PCDHGA6: variants seen among roughly 807,000 people sequenced by gnomAD.
The protein encoded by PCDHGA6 is protocadherin gamma-A6.
A neutral mutation model predicts 60.6 loss-of-function variants in PCDHGA6; 41 were observed. The observed-to-expected ratio is 0.68, with a 90% CI of 0.53 to 0.88. PCDHGA6 has a LOEUF of 0.88. Ranked by LOEUF, PCDHGA6 falls within the 40% of genes least tolerant of loss-of-function variation. The pLI, the probability that PCDHGA6 is intolerant of heterozygous loss-of-function variation, is 0.00. For missense variants in PCDHGA6, 1,312 were observed against 1,203.0 expected, an observed-to-expected ratio of 1.09 and a Z score of -1.34; for synonymous variants, 594 against 524.4, an observed-to-expected ratio of 1.13 and a Z score of -1.81.
At chr5:141,417,940 C>G in intron 1 of PCDHGA6, 2 of 1,613,052 alleles carry the variant, frequency 1.2e-6, no homozygotes, top group Non-Finnish European at 1.7e-6. Context: ...TGTTCTACCC[C>G]ACGCTGTGTG....
intron 1 of PCDHGA6, among the ~76,000 whole-genome samples, chr5:141,452,271 C>A (rs1592214421): frequency 6.6e-6 from 1 of 152,108 alleles, no homozygotes. Flanking sequence ...TTTCTTGAAC[C>A]CTTTCTTACT....
chr5:141,486,162 T>G lies in PCDHGA6; in HGVS notation c.2425-8645T>G, dbSNP rs763023343. ...GCTCGCGATGGGGGTTCTCCAGCCA[T>G]GGAGCAACATTGCAGCCTTCGAGTG... On this transcript the variant is annotated intron_variant, in intron 1 of 3. Coordinates refer to ENST00000517434, the MANE Select transcript of PCDHGA6 (RefSeq NM_018919.3). The surrounding 1 kb of genome is among the most constrained non-coding windows in gnomAD (Gnocchi z 5.0). The G allele has an allele frequency of 6.2e-7, 1 of 1,614,170 alleles. No individual in the cohort carries two copies. Among genetic ancestry groups the G allele is most frequent in the Non-Finnish European group, 8.5e-7 (1 of 1,180,026 alleles).
chr5:141,384,461 A>G, intron 1 of PCDHGA6: 1 of 1,614,078 alleles, frequency 6.2e-7, no homozygotes, highest in Non-Finnish European at 8.5e-7. Flanking sequence ...CAATCCTTTG[A>G]TTATGAGCAG....
rs1430298222 is a variant in PCDHGA6, at chr5:141,476,741, A to C, written c.2425-18066A>C. ...CGCCCTGGACCGAGAACGGGAGCCTAGTCTCCAGTTAGTGCTGACGGCGTT... is the reference window on the plus strand; with the variant it reads ...CGCCCTGGACCGAGAACGGGAGCCTCGTCTCCAGTTAGTGCTGACGGCGTT... On this transcript the variant is annotated intron_variant, in intron 1 of 3. Coordinates refer to ENST00000517434, the MANE Select transcript of PCDHGA6 (RefSeq NM_018919.3). The surrounding 1 kb of genome is among the most constrained non-coding windows in gnomAD (Gnocchi z 7.6). 1 of 1,613,936 alleles carries C rather than the reference A, an allele frequency of 6.2e-7. No homozygotes were observed. Among genetic ancestry groups the C allele is most frequent in the South Asian group, 1.1e-5 (1 of 91,088 alleles).
intron 1 of PCDHGA6, among the ~76,000 whole-genome samples, chr5:141,406,301 A>C (rs1447923303): frequency 6.6e-6 from 1 of 151,966 alleles, no homozygotes; most frequent in Non-Finnish European, 1.5e-5. Context: ...TGAGGTGTGA[A>C]CCACCTCACC....
intron 1 of PCDHGA6, chr5:141,387,869 G>A (rs772536133): frequency 6.3e-7 from 1 of 1,590,306 alleles, no homozygotes; most frequent in Non-Finnish European, 8.5e-7. Context: ...TGAGCAAGCT[G>A]AGGAGAGCAA....
intron 1 of PCDHGA6, chr5:141,428,082 G>T (rs776612130): frequency 1.2e-6 from 2 of 1,609,030 alleles, no homozygotes; most frequent in South Asian, 2.2e-5. Flanking sequence ...GGGACACAAC[G>T]CTTGGCTGTC....
chr5:141,421,272 G>A, intron 1 of PCDHGA6: 1 of 1,612,340 alleles, frequency 6.2e-7, no homozygotes, highest in Non-Finnish European at 8.5e-7. Context: ...GGCTGCTGCT[G>A]CTGCTGTGCA....
chr5:141,405,407 C>G, intron 1 of PCDHGA6: 2 of 1,582,052 alleles, frequency 1.3e-6, no homozygotes, highest in Non-Finnish European at 1.7e-6. Flanking sequence ...TCTTTCTTTT[C>G]TTTTTTTGTT....
chr5:141,420,022 T>A, intron 1 of PCDHGA6: 3 of 1,614,104 alleles, frequency 1.9e-6, no homozygotes, highest in Middle Eastern at 3.3e-4. Flanking sequence ...CTTTCAGCCC[T>A]ACTGCAGGAG....
chr5:141,477,258 C>A lies in PCDHGA6; in HGVS notation c.2425-17549C>A. ...TTGCTCAGTGTGACTGACCTGGATG[C>A]TGGCGAGAACGGGCTGGTGACCTGC... On this transcript the variant is annotated intron_variant, in intron 1 of 3. Coordinates refer to ENST00000517434, the MANE Select transcript of PCDHGA6 (RefSeq NM_018919.3). The surrounding 1 kb of genome is among the most constrained non-coding windows in gnomAD (Gnocchi z 4.9). 6.2e-7 allele frequency: 1 copy of A among 1,614,208 alleles called. No homozygotes were observed. Among genetic ancestry groups the A allele is most frequent in the Non-Finnish European group, 8.5e-7 (1 of 1,180,042 alleles).
chr5:141,375,784 C>T lies in PCDHGA6; in HGVS notation c.1701C>T (p.Leu567=). Residue 567 remains leucine, a synonymous_variant, in exon 1 of 4, where the codon CTC becomes CTT. Coordinates refer to ENST00000517434, the MANE Select transcript of PCDHGA6 (RefSeq NM_018919.3). The part of the protein sequence containing the change: ...DNAPEILYPA[L]PTDGSTGVEL... Reference sequence around the variant, plus strand: ...CGCCCGAGATCCTGTACCCCGCCCTCCCCACAGACGGTTCCACTGGCGTGG... The same window carrying T: ...CGCCCGAGATCCTGTACCCCGCCCTTCCCACAGACGGTTCCACTGGCGTGG... The T allele has an allele frequency of 6.2e-7, 1 of 1,614,254 alleles. No individual in the cohort carries two copies.
intron 1 of PCDHGA6, chr5:141,441,104 T>C (rs1158565054): frequency 6.6e-6 from 1 of 152,204 alleles, no homozygotes; most frequent in Non-Finnish European, 1.5e-5. Flanking sequence ...GAGGGACTCA[T>C]TGTCCAGTGT....
rs775012950 is a variant in PCDHGA6, at chr5:141,428,225, A to T, written c.2424+51718A>T. On this transcript the variant is annotated intron_variant, in intron 1 of 3. Coordinates refer to ENST00000517434, the MANE Select transcript of PCDHGA6 (RefSeq NM_018919.3). ...GCTACGCTTCACCTAGTCTTCGCAG[A>T]CAGCCTGCAGGAGGCACTGCCAGAC... is the stretch of plus-strand genomic sequence containing the variant. 19 of 1,156,574 alleles carry T rather than the reference A, an allele frequency of 1.6e-5. No homozygotes were observed. In the Admixed American group the frequency reaches 3.1e-4, roughly 19 times the overall value. 71.6% of individuals were successfully genotyped at this position (1,156,574 alleles called of 1,614,324 possible).
intron 1 of PCDHGA6, among the ~76,000 whole-genome samples, chr5:141,484,202 T>C (rs2099593138): frequency 6.6e-6 from 1 of 152,214 alleles, no homozygotes; most frequent in Non-Finnish European, 1.5e-5. Context: ...ATTAAATCTA[T>C]GAACATTAGC....
intron 1 of PCDHGA6, chr5:141,405,449 T>A: frequency 6.2e-6 from 8 of 1,283,878 alleles, no homozygotes; most frequent in South Asian, 1.4e-5. Context: ...AGACAGAGTC[T>A]TACTCTGTTA....
Position 141,375,284 on chromosome 5 carries a change from TATTATCGATTAGTGACAA to T in PCDHGA6, c.1204_1221del (p.Tyr402_Asn407del). 5 of 1,613,832 alleles carry T rather than the reference TATTATCGATTAGTGACAA, an allele frequency of 3.1e-6. No homozygotes were observed. Among genetic ancestry groups the T allele is most frequent in the Non-Finnish European group, 4.2e-6 (5 of 1,179,876 alleles). On this transcript the variant is annotated inframe_deletion, in exon 1 of 4. Coordinates refer to ENST00000517434, the MANE Select transcript of PCDHGA6 (RefSeq NM_018919.3). ...TGAATTGGAAAAATCAGTTGGCAAT[TATTATCGATTAGTGACAA>T]ATGCAGCTCTAGACCGGGAAGAGGT...
At chr5:141,383,781 G>A (rs1435690676) in intron 1 of PCDHGA6, 13 of 1,613,850 alleles carry the variant, frequency 8.1e-6, no homozygotes, top group Non-Finnish European at 1.1e-5. Context: ...TGTTTCATCT[G>A]AACTCGCTTA....
At position 141,431,337 on chromosome 5, in the gene PCDHGA6, A is replaced by C. The variant is rs1412811147; in HGVS notation, c.2424+54830A>C. On this transcript the variant is annotated intron_variant, in intron 1 of 3. Coordinates refer to ENST00000517434, the MANE Select transcript of PCDHGA6 (RefSeq NM_018919.3). The surrounding 1 kb of genome is among the most constrained non-coding windows in gnomAD (Gnocchi z 4.8). ...GGAGCCGACGGTAGTAAGTACCCCG[A>C]ATTGGTGCTGAAACGCGCCCTGGAC... 6.2e-7 allele frequency: 1 copy of C among 1,613,926 alleles called. No homozygotes were observed. The highest frequency in any genetic ancestry group is 1.7e-5 in the Admixed American group (1 of 60,006).
Sources: allele counts gnomAD v4.1 joint callset (sites outside exome capture counted in the v4.1 genomes callset), GRCh38; gene constraint gnomAD v4.1.1; non-coding constraint Gnocchi (gnomAD v3.1); transcripts MANE v1.5; gene names NCBI Gene and HGNC (gene_info 2026-07-23, HGNC 2026-07-21).